Variants in SYT9 observed in about 807,000 individuals in gnomAD.
The protein encoded by SYT9 is synaptotagmin-9.
In SYT9, 22 loss-of-function variants were observed where a neutral mutation model predicts 48.4. That is an observed-to-expected ratio of 0.45 (90% confidence interval 0.32 to 0.65). The LOEUF (loss-of-function observed/expected upper bound fraction) is 0.65. SYT9 is among the 30% of genes least tolerant of loss of function. SYT9 has a pLI of 0.03. For synonymous variants in SYT9, 265 were observed against 245.0 expected, an observed-to-expected ratio of 1.08 and a Z score of -0.76; for missense variants, 577 against 622.0, an observed-to-expected ratio of 0.93 and a Z score of 0.77.
At chr11:7,283,641 A>G (rs943941718) in intron 1 of SYT9, among the ~76,000 whole-genome samples, 2 of 152,180 alleles carry the variant, frequency 1.3e-5, no homozygotes, top group African/African-American at 4.8e-5. Flanking sequence ...GACTTTTTCA[A>G]TTAACTGATC....
At chr11:7,426,863 C>T (rs1415129932) in intron 6 of SYT9, among the ~76,000 whole-genome samples, 1 of 152,036 alleles carries the variant, frequency 6.6e-6, no homozygotes, top group Non-Finnish European at 1.5e-5. Context: ...AATTTGGATC[C>T]CCTTTTTCTC....
chr11:7,282,361 T>G (rs1848510268), intron 1 of SYT9, among the ~76,000 whole-genome samples: 1 of 152,224 alleles, frequency 6.6e-6, no homozygotes, highest in South Asian at 2.1e-4. Flanking sequence ...CCAAGTTGAT[T>G]GCATACAAAT....
At chr11:7,397,648 T>C (rs1018669057) in intron 3 of SYT9, among the ~76,000 whole-genome samples, 38 of 152,166 alleles carry the variant, frequency 2.5e-4, no homozygotes, top group African/African-American at 9.2e-4. Context: ...TCCCAATCCA[T>C]GAGCATGGAA....
At chr11:7,259,266 AT>A (rs1848034640) in intron 1 of SYT9, among the ~76,000 whole-genome samples, 1 of 152,014 alleles carries the variant, frequency 6.6e-6, no homozygotes, top group Non-Finnish European at 1.5e-5. Flanking sequence ...TATTATTATA[AT>A]TTTCCCATTG....
chr11:7,346,475 A>G (rs935350693), intron 3 of SYT9, among the ~76,000 whole-genome samples: 2 of 152,204 alleles, frequency 1.3e-5, no homozygotes, highest in Non-Finnish European at 2.9e-5. Flanking sequence ...ATGCAAGTGC[A>G]AATACATTTA....
intron 3 of SYT9, among the ~76,000 whole-genome samples, chr11:7,353,583 G>A (rs1276260311): frequency 6.6e-6 from 1 of 152,210 alleles, no homozygotes; most frequent in African/African-American, 2.4e-5. Context: ...TCAGCCTTGA[G>A]GGCAGGGAGG....
chr11:7,309,585 T>C (rs1239570790), intron 2 of SYT9, among the ~76,000 whole-genome samples: 1 of 152,158 alleles, frequency 6.6e-6, no homozygotes, highest in African/African-American at 2.4e-5. Context: ...TCACCTGGGG[T>C]GGGGGAGGCT....
intron 3 of SYT9, among the ~76,000 whole-genome samples, chr11:7,389,008 A>T (rs1850712267): frequency 1.3e-5 from 2 of 152,188 alleles, no homozygotes; most frequent in African/African-American, 4.8e-5. Context: ...TGAAGTGAGG[A>T]CATTGTGTGG....
At chr11:7,359,908 A>G (rs1439811019) in intron 3 of SYT9, among the ~76,000 whole-genome samples, 12 of 152,154 alleles carry the variant, frequency 7.9e-5, no homozygotes, top group East Asian at 7.7e-4. Flanking sequence ...TTGGTGTTTT[A>G]GACATGAAGT....
Position 7,252,210 on chromosome 11 carries a change from C to T in SYT9, c.24C>T (p.Leu8=). The T allele has an allele frequency of 6.8e-7, 1 of 1,477,528 alleles. No individual in the cohort carries two copies. Among genetic ancestry groups the T allele is most frequent in the Non-Finnish European group, 9.0e-7 (1 of 1,115,038 alleles). 91.5% of individuals were successfully genotyped at this position (1,477,528 alleles called of 1,614,324 possible). The change falls in exon 1 of 7, where the codon CTC becomes CTT. Residue 8 remains leucine (L), a synonymous_variant. Coordinates refer to ENST00000318881, the MANE Select transcript of SYT9 (RefSeq NM_175733.4). This position sits in a 1 kb window ranked among gnomAD's most constrained non-coding sequence, Gnocchi z 6.3. MPGARDA[L]CHQALQLLAE... ...CGATGCCCGGGGCCAGGGACGCGCTCTGTCACCAGGCGCTGCAGCTGCTGG... is the reference window on the plus strand; with the variant it reads ...CGATGCCCGGGGCCAGGGACGCGCTTTGTCACCAGGCGCTGCAGCTGCTGG...
At chr11:7,336,368 G>A (rs185725114) in intron 3 of SYT9, among the ~76,000 whole-genome samples, 112 of 152,104 alleles carry the variant, frequency 7.4e-4, no homozygotes, top group African/African-American at 2.4e-3. Context: ...GTCAATTTTA[G>A]CTTTAGTTGC....
intron 3 of SYT9, among the ~76,000 whole-genome samples, chr11:7,354,446 G>A (rs920895583): frequency 4.6e-5 from 7 of 152,168 alleles, no homozygotes; most frequent in African/African-American, 1.7e-4. Flanking sequence ...CTCTAGTCTT[G>A]TCACCTACCC....
At chr11:7,358,280 T>C (rs1278805103) in intron 3 of SYT9, among the ~76,000 whole-genome samples, 4 of 152,174 alleles carry the variant, frequency 2.6e-5, no homozygotes, top group African/African-American at 9.6e-5. Flanking sequence ...TTTAAAGTTA[T>C]GGTTTTTTTG....
intron 3 of SYT9, among the ~76,000 whole-genome samples, chr11:7,343,272 G>T (rs1849744799): frequency 6.6e-6 from 1 of 152,164 alleles, no homozygotes; most frequent in Non-Finnish European, 1.5e-5. Context: ...GCATGGTCAG[G>T]CTGCAAATTT....
chr11:7,249,938 C>G (rs1847838669), upstream of SYT9, among the ~76,000 whole-genome samples: 1 of 152,184 alleles, frequency 6.6e-6, no homozygotes, highest in African/African-American at 2.4e-5. Context: ...CTACCAAACA[C>G]TCCTCCTCCC....
chr11:7,313,283 G>A, intron 2 of SYT9, 112 bp from the exon 3 acceptor site: 1 of 1,152,174 alleles, frequency 8.7e-7, no homozygotes, highest in East Asian at 2.6e-5. Context: ...AAGGCCCACA[G>A]ATCTAAGCTC....
chr11:7,402,882 T>A (rs1024130782), intron 3 of SYT9, among the ~76,000 whole-genome samples: 1 of 152,132 alleles, frequency 6.6e-6, no homozygotes, highest in East Asian at 1.9e-4. Flanking sequence ...CATCCATACT[T>A]TTGTTCTTAT....
rs143468188 is a variant in SYT9, at chr11:7,429,581, T to G, written c.1467+8946T>G. Among the ~76,000 whole-genome samples, 435 of 152,354 alleles carry G rather than the reference T, an allele frequency of 2.9e-3. 1 individual carries two copies. The highest frequency in any genetic ancestry group is 0.01 in the Middle Eastern group (3 of 294). On this transcript the variant is annotated intron_variant, in intron 6 of 6. Transcript: ENST00000318881. ...GTAAGCAATATTAAGCAGAATTTAT[T>G]TTATTTGAAATGAAAAACATCTTAT...
chr11:7,247,572 C>T (rs1310579118), upstream of SYT9, among the ~76,000 whole-genome samples: 5 of 142,530 alleles, frequency 3.5e-5, no homozygotes, highest in African/African-American at 1.3e-4. Flanking sequence ...CATATATACA[C>T]ATATACATAT....
Sources: allele counts gnomAD v4.1 joint callset (sites outside exome capture counted in the v4.1 genomes callset), GRCh38; gene constraint gnomAD v4.1.1; non-coding constraint Gnocchi (gnomAD v3.1); transcripts MANE v1.5; gene names NCBI Gene and HGNC (gene_info 2026-07-23, HGNC 2026-07-21).